The following FRMPD4 variants were observed in gnomAD, a reference collection of about 807,000 sequenced individuals.
FRMPD4 encodes FERM and PDZ domain containing 4, also known as FERM and PDZ domain-containing protein 4.
FRMPD4 carries 22 observed loss-of-function variants against 94.1 expected under a neutral mutation model. The ratio of observed to expected loss-of-function variants is 0.23; its 90% confidence interval spans 0.17 to 0.33. The LOEUF (loss-of-function observed/expected upper bound fraction) is 0.33. FRMPD4 is among the 10% of genes least tolerant of loss of function. The pLI, the probability that FRMPD4 is intolerant of heterozygous loss-of-function variation, is 1.00. For missense variants in FRMPD4, 1,111 were observed against 1,339.9 expected, an observed-to-expected ratio of 0.83 and a Z score of 2.67; for synonymous variants, 631 against 548.6, an observed-to-expected ratio of 1.15 and a Z score of -2.10.
At chrX:12,481,906 G>GCA (rs1477333628) in intron 1 of FRMPD4, among the ~76,000 whole-genome samples, 1 of 72,282 alleles carries the variant, frequency 1.4e-5, no homozygotes, top group Non-Finnish European at 2.5e-5. Context: ...TTGCGCCACT[G>GCA]CACTCCAGCC....
intron 3 of FRMPD4, among the ~76,000 whole-genome samples, chrX:12,058,918 T>C (rs779900760): frequency 9.0e-6 from 1 of 111,262 alleles, no homozygotes; most frequent in Admixed American, 9.6e-5. Context: ...ATCAAAGAAT[T>C]ATCTAGGCCA....
At chrX:11,886,961 C>A (rs959349585) in intron 3 of FRMPD4, among the ~76,000 whole-genome samples, 6 of 110,735 alleles carry the variant, frequency 5.4e-5, no homozygotes, top group African/African-American at 2.0e-4. Flanking sequence ...CACCACTCTT[C>A]TGACTCAGCT....
At chrX:12,021,969 G>A (rs1167431317) in intron 3 of FRMPD4, among the ~76,000 whole-genome samples, 1 of 112,135 alleles carries the variant, frequency 8.9e-6, no homozygotes, top group Non-Finnish European at 1.9e-5. Context: ...GTGCTAAGCT[G>A]TGCTCTGCTG....
chrX:12,394,563 G>A (rs1458437534), intron 1 of FRMPD4, among the ~76,000 whole-genome samples: 6 of 110,951 alleles, frequency 5.4e-5, no homozygotes, highest in Admixed American at 3.8e-4. Flanking sequence ...ACAAACACTG[G>A]GTGTTAGTGA....
chrX:12,612,094 G>A (rs997795391), intron 3 of FRMPD4, among the ~76,000 whole-genome samples: 1 of 111,574 alleles, frequency 9.0e-6, no homozygotes, highest in African/African-American at 3.3e-5. Context: ...ATGTATGTAT[G>A]TATATGCAGA....
chrX:12,546,169 C>T, intron 2 of FRMPD4, among the ~76,000 whole-genome samples: 1 of 90,685 alleles, frequency 1.1e-5, no homozygotes, highest in Non-Finnish European at 2.2e-5. Context: ...GTATTTCTTG[C>T]CAACTGTCTT....
intron 1 of FRMPD4, among the ~76,000 whole-genome samples, chrX:11,861,196 A>T (rs1406959700): frequency 9.0e-6 from 1 of 111,664 alleles, no homozygotes; most frequent in Non-Finnish European, 1.9e-5. Context: ...AGAAAAAGGA[A>T]ATAGATAGCT....
chrX:11,894,592 T>C (rs1316164942), intron 3 of FRMPD4, among the ~76,000 whole-genome samples: 1 of 112,264 alleles, frequency 8.9e-6, no homozygotes, highest in Admixed American at 9.4e-5. Context: ...TCGGTTTCTC[T>C]GGGGCTGGGA....
At chrX:12,132,444 G>A (rs857341) in intron 3 of FRMPD4, among the ~76,000 whole-genome samples, 49,779 of 109,321 alleles carry the variant, frequency 0.46, 9,406 homozygotes, top group East Asian at 0.82. Flanking sequence ...TCTAGGCCAG[G>A]GATAGAAATG....
chrX:12,291,131 C>G (rs1233838350), intron 1 of FRMPD4, among the ~76,000 whole-genome samples: 1 of 112,131 alleles, frequency 8.9e-6, no homozygotes, highest in Non-Finnish European at 1.9e-5. Context: ...CTCTCACCCA[C>G]TTCCCTTGCT....
chrX:12,583,590 C>T, intron 2 of FRMPD4: 1 of 623,523 alleles, frequency 1.6e-6, no homozygotes, highest in Non-Finnish European at 2.5e-6. Context: ...ACCAGCTGAG[C>T]CTCAGTGCTG....
chrX:11,853,693 C>A (rs1166045407), intron 1 of FRMPD4, among the ~76,000 whole-genome samples: 1 of 111,532 alleles, frequency 9.0e-6, no homozygotes, highest in Non-Finnish European at 1.9e-5. Context: ...AATTGAATCC[C>A]TGAACAGACC....
intron 1 of FRMPD4, among the ~76,000 whole-genome samples, chrX:11,856,596 T>G (rs1033805960): frequency 8.9e-6 from 1 of 111,753 alleles, no homozygotes; most frequent in Non-Finnish European, 1.9e-5. Flanking sequence ...CCATAGCCAG[T>G]ATCATATTGA....
At chrX:12,720,029 GGAAAGGAAAGGAAAGGAAAGGAAA>G (rs1442636669) in intron 16 of FRMPD4, among the ~76,000 whole-genome samples, 50 of 32,907 alleles carry the variant, frequency 1.5e-3, no homozygotes, top group Middle Eastern at 0.02. Context: ...GGAAAGGAAA[GGAAAGGAAAGGAAAGGAAAGGAAA>G]GAAAGAAAGA....
chrX:11,930,357 A>G (rs775029125), intron 3 of FRMPD4, among the ~76,000 whole-genome samples: 15 of 110,894 alleles, frequency 1.4e-4, no homozygotes, highest in South Asian at 7.7e-4. Context: ...AGATGCAAAT[A>G]AATTAGTAAG....
At chrX:12,100,694 A>G (rs912754931) in intron 3 of FRMPD4, among the ~76,000 whole-genome samples, 2 of 112,030 alleles carry the variant, frequency 1.8e-5, no homozygotes, top group African/African-American at 3.2e-5. Flanking sequence ...TCATACTTCA[A>G]TGCTATTTTC....
chrX:12,611,008 A>G (rs779521065), intron 3 of FRMPD4, among the ~76,000 whole-genome samples: 1 of 111,890 alleles, frequency 8.9e-6, no homozygotes, highest in Non-Finnish European at 1.9e-5. Flanking sequence ...GCTGACTAAT[A>G]CAGTATATGT....
intron 1 of FRMPD4, among the ~76,000 whole-genome samples, chrX:12,498,355 A>T (rs2057874896): frequency 9.0e-6 from 1 of 111,021 alleles, no homozygotes; most frequent in Middle Eastern, 4.6e-3. Flanking sequence ...ATGCTTCAGA[A>T]ACTGGACTCA....
At chrX:12,562,171 A>G (rs2058666137) in intron 2 of FRMPD4, among the ~76,000 whole-genome samples, 2 of 112,752 alleles carry the variant, frequency 1.8e-5, no homozygotes, top group Non-Finnish European at 3.7e-5. Flanking sequence ...CTGTGTATAT[A>G]AGTCAGAGCC....
Sources: allele counts gnomAD v4.1 joint callset (sites outside exome capture counted in the v4.1 genomes callset), GRCh38; gene constraint gnomAD v4.1.1; transcripts MANE v1.5; gene names NCBI Gene and HGNC (gene_info 2026-07-23, HGNC 2026-07-21).